Variants in RGPD2 observed in about 807,000 individuals in gnomAD.
The protein encoded by RGPD2 is RANBP2 like and GRIP domain containing 2.
Under a neutral mutation model 36.0 loss-of-function variants are expected in RGPD2, and 2 were observed. The observed-to-expected ratio is 0.06, with a 90% CI of 0.02 to 0.17. The LOEUF is 0.17. Ranked by LOEUF, RGPD2 falls within the 10% of genes least tolerant of loss-of-function variation. The probability of loss-of-function intolerance (pLI) is 1.00; values close to 1 mark genes in which losing one functional copy is unlikely to be tolerated. For synonymous variants in RGPD2, 19 were observed against 163.8 expected (o/e 0.12, Z 6.75); for missense variants, 40 against 464.3 (o/e 0.09, Z 8.40).
the RGPD2 span, among the ~76,000 whole-genome samples, chr2:87,846,021 CAT>C: frequency 6.6e-6 from 1 of 151,044 alleles, no homozygotes; most frequent in Admixed American, 6.6e-5. Flanking sequence ...CTTTTCTTAT[CAT>C]TCATTTTTTC....
the RGPD2 span, among the ~76,000 whole-genome samples, chr2:87,971,435 A>ATATATATAATATGAATATTATATGTAAG: frequency 2.6e-5 from 1 of 38,994 alleles, no homozygotes; most frequent in African/African-American, 7.2e-5. Context: ...TTATAGACAT[A>ATATATATAATATGAATATTATATGTAAG]TATATATAAT....
the RGPD2 span, among the ~76,000 whole-genome samples, chr2:87,836,006 T>A: frequency 6.7e-6 from 1 of 148,420 alleles, no homozygotes; most frequent in Admixed American, 6.8e-5. Context: ...CTTCAATTGG[T>A]GTCCTTGAAA....
At chr2:87,935,193 T>C in the RGPD2 span, among the ~76,000 whole-genome samples, 1 of 140,886 alleles carries the variant, frequency 7.1e-6, no homozygotes, top group African/African-American at 2.6e-5. Context: ...CTCATTCAGG[T>C]GGTGGTAAGG....
intron 20 of RGPD2, among the ~76,000 whole-genome samples, chr2:87,781,516 A>C (rs1685408591): frequency 6.9e-6 from 1 of 144,592 alleles, no homozygotes; most frequent in South Asian, 2.2e-4. Context: ...GCTGGAGTGC[A>C]GTGGCATGAT....
the RGPD2 span, among the ~76,000 whole-genome samples, chr2:87,929,211 T>C: frequency 1.3e-5 from 2 of 151,958 alleles, no homozygotes; most frequent in African/African-American, 4.8e-5. Flanking sequence ...CTTTAATCCA[T>C]CTTGAATTAA....
chr2:87,809,604 C>T (rs1686087669), intron 6 of RGPD2, among the ~76,000 whole-genome samples: 1 of 134,998 alleles, frequency 7.4e-6, no homozygotes, highest in Non-Finnish European at 1.6e-5. Flanking sequence ...GGGAGGTTCA[C>T]AAGGGGGGGT....
the RGPD2 span, among the ~76,000 whole-genome samples, chr2:87,860,269 C>T: frequency 1.3e-5 from 2 of 151,868 alleles, no homozygotes; most frequent in African/African-American, 4.8e-5. Context: ...CTGGTGCTGG[C>T]CACTTCCTGC....
chr2:87,957,957 C>T, the RGPD2 span, among the ~76,000 whole-genome samples: 3 of 152,254 alleles, frequency 2.0e-5, no homozygotes, highest in Admixed American at 6.5e-5. Context: ...TGCTCATGAA[C>T]AAATGGTTTC....
chr2:87,882,368 A>G, the RGPD2 span, among the ~76,000 whole-genome samples: 5 of 152,342 alleles, frequency 3.3e-5, no homozygotes, highest in African/African-American at 9.6e-5. Context: ...CCTTTCTCCA[A>G]TGTGGATTCT....
chr2:87,827,261 C>G (rs1310256802), upstream of RGPD2, among the ~76,000 whole-genome samples: 2 of 152,124 alleles, frequency 1.3e-5, no homozygotes, highest in Non-Finnish European at 2.9e-5. Flanking sequence ...ATTCCTCTAC[C>G]CCTTGAGGTT....
At chr2:87,951,896 T>C in the RGPD2 span, among the ~76,000 whole-genome samples, 3 of 150,578 alleles carry the variant, frequency 2.0e-5, no homozygotes, top group Admixed American at 6.6e-5. Context: ...AACACTCTTA[T>C]CTAGCCTCTT....
the RGPD2 span, among the ~76,000 whole-genome samples, chr2:87,836,500 C>G: frequency 7.7e-4 from 116 of 151,562 alleles, no homozygotes; most frequent in Non-Finnish European, 9.1e-4. Flanking sequence ...TCTAGCCAAA[C>G]TACACTTCAT....
At chr2:87,956,779 T>G in the RGPD2 span, among the ~76,000 whole-genome samples, 1 of 127,556 alleles carries the variant, frequency 7.8e-6, no homozygotes, top group Non-Finnish European at 1.6e-5. Context: ...GCTTCCTTTT[T>G]CTTCCCAGCT....
the RGPD2 span, among the ~76,000 whole-genome samples, chr2:87,875,382 A>G: frequency 6.6e-6 from 1 of 152,260 alleles, no homozygotes; most frequent in Admixed American, 6.5e-5. Flanking sequence ...TGTTCCTTCA[A>G]TACCTAGTTT....
At chr2:87,830,559 A>G (rs1457133678), upstream of RGPD2, among the ~76,000 whole-genome samples, 1 of 152,146 alleles carries the variant, frequency 6.6e-6, no homozygotes, top group African/African-American at 2.4e-5. Context: ...TCTTAATAGC[A>G]GTACCCCACT....
At chr2:87,884,767 C>T in the RGPD2 span, among the ~76,000 whole-genome samples, 1 of 151,692 alleles carries the variant, frequency 6.6e-6, no homozygotes, top group Non-Finnish European at 1.5e-5. Context: ...CTTAACAGAC[C>T]AATAACAAGT....
upstream of RGPD2, among the ~76,000 whole-genome samples, chr2:87,826,891 C>T (rs1467650599): frequency 2.9e-5 from 3 of 104,204 alleles, no homozygotes; most frequent in Non-Finnish European, 5.9e-5. Context: ...TCTAATAGTG[C>T]ATAGTATTGG....
At chr2:87,947,483 A>T in the RGPD2 span, among the ~76,000 whole-genome samples, 3 of 152,278 alleles carry the variant, frequency 2.0e-5, no homozygotes, top group Non-Finnish European at 4.4e-5. Flanking sequence ...AATATTGAAG[A>T]TATATGCTTA....
At chr2:87,885,293 A>AAAGG in the RGPD2 span, among the ~76,000 whole-genome samples, 882 of 152,210 alleles carry the variant, frequency 5.8e-3, 2 homozygotes, top group African/African-American at 0.02. Context: ...CATTTGACAA[A>AAAGG]ACTTAACATC....
Sources: allele counts gnomAD v4.1 joint callset (sites outside exome capture counted in the v4.1 genomes callset), GRCh38; gene constraint gnomAD v4.1.1; transcripts MANE v1.5; gene names NCBI Gene and HGNC (gene_info 2026-07-23, HGNC 2026-07-21).